IQCM: variants seen among roughly 807,000 people sequenced by gnomAD.
IQCM encodes the protein IQ domain-containing protein M.
In IQCM, 45 loss-of-function variants were observed where a neutral mutation model predicts 57.6. That is an observed-to-expected ratio of 0.78 (90% CI 0.62 to 1.00). The LOEUF is 1.00. Among genes scored for constraint, IQCM ranks in the 50% least tolerant of loss-of-function variants. The pLI, the probability that IQCM is intolerant of heterozygous loss-of-function variation, is 0.00. For missense variants in IQCM, 468 were observed against 511.6 expected (o/e 0.91, Z 0.82); for synonymous variants, 148 against 158.9 (o/e 0.93, Z 0.51).
At chr4:149,375,494 G>A (rs1288309626) in intron 13 of IQCM, among the ~76,000 whole-genome samples, 3 of 152,106 alleles carry the variant, frequency 2.0e-5, no homozygotes, top group African/African-American at 7.2e-5. Context: ...ATGGCAATCA[G>A]GAAGAGGTTT....
At chr4:149,754,471 G>T (rs1253191294) in intron 2 of IQCM, among the ~76,000 whole-genome samples, 2 of 152,102 alleles carry the variant, frequency 1.3e-5, no homozygotes, top group African/African-American at 4.8e-5. Flanking sequence ...GTCTTTCTGG[G>T]GAATGCAACC....
intron 2 of IQCM, among the ~76,000 whole-genome samples, chr4:149,790,955 C>T (rs894960355): frequency 1.3e-5 from 2 of 152,024 alleles, no homozygotes; most frequent in East Asian, 3.9e-4. Flanking sequence ...AAGAATAAAA[C>T]ATTTACTTCT....
chr4:149,774,626 A>C (rs1281379655), intron 2 of IQCM, among the ~76,000 whole-genome samples: 24 of 152,072 alleles, frequency 1.6e-4, no homozygotes, highest in Admixed American at 1.6e-3. Context: ...CAGCCTCTGC[A>C]TATATACCTG....
intron 7 of IQCM, among the ~76,000 whole-genome samples, chr4:149,633,687 AACT>A (rs1248190833): frequency 3.9e-5 from 6 of 152,204 alleles, no homozygotes; most frequent in African/African-American, 1.4e-4. Context: ...TGGTCTTACT[AACT>A]ACTATGTCCA....
At chr4:149,633,910 G>A (rs1757502688) in intron 7 of IQCM, among the ~76,000 whole-genome samples, 1 of 152,090 alleles carries the variant, frequency 6.6e-6, no homozygotes, top group African/African-American at 2.4e-5. Context: ...GAATTCAAAG[G>A]AATGTGACTA....
intron 12 of IQCM, among the ~76,000 whole-genome samples, chr4:149,466,504 A>T (rs1382801933): frequency 6.6e-6 from 1 of 152,196 alleles, no homozygotes; most frequent in Non-Finnish European, 1.5e-5. Context: ...GTCTCCTAGG[A>T]TTAGCATGGA....
chr4:149,482,139 C>G (rs1323742293), intron 12 of IQCM, among the ~76,000 whole-genome samples: 3 of 151,950 alleles, frequency 2.0e-5, no homozygotes, highest in Non-Finnish European at 4.4e-5. Context: ...TATCCTGCAA[C>G]TTAACTGAAA....
At chr4:149,581,262 CAT>C (rs369922752) in intron 9 of IQCM, among the ~76,000 whole-genome samples, 122 of 148,478 alleles carry the variant, frequency 8.2e-4, no homozygotes, top group African/African-American at 2.4e-3. Context: ...TACTTCAATT[CAT>C]ATATATATAT....
chr4:149,712,317 C>T (rs1764627036), intron 5 of IQCM, among the ~76,000 whole-genome samples: 1 of 151,850 alleles, frequency 6.6e-6, no homozygotes, highest in Non-Finnish European at 1.5e-5. Flanking sequence ...TCTCTTTATC[C>T]TGTGCAGATA....
intron 13 of IQCM, among the ~76,000 whole-genome samples, chr4:149,378,472 G>A (rs1043495607): frequency 1.3e-5 from 2 of 152,156 alleles, no homozygotes; most frequent in African/African-American, 2.4e-5. Context: ...GTGGAGATAA[G>A]GAACTTGTTG....
chr4:149,413,552 C>T (rs988023259), intron 13 of IQCM, among the ~76,000 whole-genome samples: 2 of 152,076 alleles, frequency 1.3e-5, no homozygotes, highest in Non-Finnish European at 2.9e-5. Context: ...TCTTCTTCTG[C>T]ATGCTCTATA....
intron 13 of IQCM, among the ~76,000 whole-genome samples, chr4:149,415,123 T>A (rs1733651853): frequency 1.3e-5 from 2 of 152,186 alleles, no homozygotes; most frequent in South Asian, 4.1e-4. Context: ...GATACTTTGA[T>A]TAAAATGCCA....
At chr4:149,561,880 G>A (rs1750156977) in intron 10 of IQCM, among the ~76,000 whole-genome samples, 1 of 152,146 alleles carries the variant, frequency 6.6e-6, no homozygotes, top group Non-Finnish European at 1.5e-5. Flanking sequence ...GGAGAGATCA[G>A]CTCTGCTTGA....
intron 2 of IQCM, among the ~76,000 whole-genome samples, chr4:149,748,979 T>C (rs1263127723): frequency 1.3e-5 from 2 of 152,138 alleles, no homozygotes; most frequent in Non-Finnish European, 2.9e-5. Context: ...TGAAAAGACA[T>C]TCATTCAAAA....
At chr4:149,593,755 A>T (rs1203603513) in intron 8 of IQCM, among the ~76,000 whole-genome samples, 1 of 152,112 alleles carries the variant, frequency 6.6e-6, no homozygotes, top group African/African-American at 2.4e-5. Context: ...AGGATGGATT[A>T]TGTTTATTGA....
chr4:149,493,491 T>C (rs1417153880), intron 12 of IQCM, among the ~76,000 whole-genome samples: 1 of 152,112 alleles, frequency 6.6e-6, no homozygotes, highest in African/African-American at 2.4e-5. Flanking sequence ...CAAGCAGGTA[T>C]AGAAATGCTT....
At chr4:149,679,796 T>C (rs1503742) in intron 7 of IQCM, among the ~76,000 whole-genome samples, 2,906 of 151,542 alleles carry the variant, frequency 0.019, 89 homozygotes, top group South Asian at 0.14. Flanking sequence ...CAGATATTCA[T>C]TGAAGCTATA....
rs536645417 is a variant in IQCM, at chr4:149,467,474, C to A, written c.1229-33917G>T. The stretch of plus-strand genomic sequence containing the variant: ...AAAGATCCCTGTTGTGAAATGCAGA[C>A]AATAAATAACATGATAAATAAGTAA... On this transcript the variant is annotated intron_variant, in intron 12 of 13. Coordinates refer to ENST00000636793, the MANE Select transcript of IQCM (RefSeq NM_001363507.2). 2.0e-5 allele frequency among the ~76,000 whole-genome samples: 3 copies of A among 152,188 alleles called. No homozygotes were observed. In the South Asian group the frequency reaches 6.2e-4, roughly 32 times the overall value.
At chr4:149,720,381 T>C (rs554256550) in intron 5 of IQCM, among the ~76,000 whole-genome samples, 14 of 152,330 alleles carry the variant, frequency 9.2e-5, no homozygotes, top group Non-Finnish European at 1.6e-4. Context: ...TTATATTAAT[T>C]CATATTTAAG....
Sources: gnomAD v4.1 joint callset for allele counts (sites outside exome capture counted in the v4.1 genomes callset) on GRCh38, gnomAD v4.1.1 for gene constraint, MANE v1.5 for transcripts, NCBI Gene and HGNC (gene_info 2026-07-23, HGNC 2026-07-21) for gene names.